DCHS2: variants seen among roughly 807,000 people sequenced by gnomAD.
The protein encoded by DCHS2 is dachsous cadherin-related 2.
A neutral mutation model predicts 182.4 loss-of-function variants in DCHS2; 142 were observed. That is an observed-to-expected ratio of 0.78 (90% confidence interval 0.68 to 0.89). The LOEUF (loss-of-function observed/expected upper bound fraction) is 0.89, where lower values mean the gene tolerates loss of function less well. DCHS2 is among the 40% of genes least tolerant of loss of function. The pLI is 0.00. For missense variants in DCHS2, 4,319 were observed against 4,198.6 expected (o/e 1.03, Z -0.79); for synonymous variants, 1,740 against 1,663.3 (o/e 1.05, Z -1.12).
chr4:154,369,478 C>T (rs1346045533), intron 2 of DCHS2, among the ~76,000 whole-genome samples: 1 of 152,190 alleles, frequency 6.6e-6, no homozygotes, highest in East Asian at 1.9e-4. Flanking sequence ...TTAGAGTGTG[C>T]ACTTCCCAAT....
At chr4:154,238,123 T>TACAGAAAGAGAG (rs1731622732) in intron 19 of DCHS2, among the ~76,000 whole-genome samples, 1 of 109,272 alleles carries the variant, frequency 9.2e-6, no homozygotes, top group Non-Finnish European at 1.7e-5. Flanking sequence ...CATCTGAGAC[T>TACAGAAAGAGAG]ACAGAAAGAG....
intron 13 of DCHS2, among the ~76,000 whole-genome samples, chr4:154,280,601 C>A (rs201361609): frequency 2.0e-5 from 3 of 151,948 alleles, no homozygotes; most frequent in East Asian, 1.9e-4. Flanking sequence ...TACACCACAT[C>A]AACAGAACAA....
chr4:154,318,077 T>A (rs1315790264), intron 9 of DCHS2, among the ~76,000 whole-genome samples: 1 of 152,116 alleles, frequency 6.6e-6, no homozygotes, highest in Non-Finnish European at 1.5e-5. Context: ...GGACTCACAA[T>A]GGGGGCAAAG....
intron 1 of DCHS2, among the ~76,000 whole-genome samples, chr4:154,443,789 C>T (rs1579088244): frequency 6.6e-6 from 1 of 152,322 alleles, no homozygotes; most frequent in Non-Finnish European, 1.5e-5. Flanking sequence ...AGCTACACCA[C>T]CCTCCCCATT....
At position 154,322,382 on chromosome 4, in the gene DCHS2, G is replaced by A. The variant is rs767363400; in HGVS notation, c.4125C>T (p.Ala1375=). The A allele has an allele frequency of 3.7e-6, 6 of 1,613,778 alleles. No individual in the cohort carries two copies. In the South Asian group the frequency reaches 6.6e-5, roughly 18 times the overall value. The change falls in exon 8 of 20, where the codon GCC becomes GCT. Residue 1375 remains alanine, a synonymous_variant. Transcript: ENST00000357232. ...GAAGAGGAGGCACTCCCTGGTCAGT[G>A]GCAATGACACTCATTCTGTAGGAAG... is the stretch of plus-strand genomic sequence containing the variant. ...YRPSYRMSVI[A]TDQGVPPLQG...
intron 3 of DCHS2, among the ~76,000 whole-genome samples, chr4:154,338,569 C>G (rs140385032): frequency 2.6e-5 from 4 of 152,232 alleles, no homozygotes; most frequent in Non-Finnish European, 5.9e-5. Flanking sequence ...TGATACTTAT[C>G]AAAATTTTAA....
chr4:154,350,499 A>T (rs990638270), intron 3 of DCHS2, among the ~76,000 whole-genome samples: 7 of 152,162 alleles, frequency 4.6e-5, no homozygotes, highest in Non-Finnish European at 8.8e-5. Flanking sequence ...TCATGTGCAC[A>T]CACTGGTCCC....
At chr4:154,258,007 G>T (rs1390344762) in intron 15 of DCHS2, among the ~76,000 whole-genome samples, 2 of 152,204 alleles carry the variant, frequency 1.3e-5, no homozygotes, top group South Asian at 4.1e-4. Context: ...CAGGGCCCCA[G>T]TGTGGGGATC....
intron 2 of DCHS2, among the ~76,000 whole-genome samples, chr4:154,371,435 C>T (rs993831231): frequency 2.0e-5 from 3 of 151,582 alleles, no homozygotes; most frequent in African/African-American, 2.4e-5. Flanking sequence ...TAATCAGGGC[C>T]GAAAGTTAAA....
At chr4:154,464,175 G>A (rs1179239338) in intron 1 of DCHS2, among the ~76,000 whole-genome samples, 2 of 152,126 alleles carry the variant, frequency 1.3e-5, no homozygotes, top group South Asian at 4.1e-4. Flanking sequence ...AGATAGAGGG[G>A]ACACTGAATT....
Position 154,315,861 on chromosome 4 carries a change from T to C in DCHS2, c.5147A>G (p.Asp1716Gly). 6.2e-7 allele frequency: 1 copy of C among 1,614,044 alleles called. No individual in the cohort carries two copies. Among genetic ancestry groups the C allele is most frequent in the Non-Finnish European group, 8.5e-7 (1 of 1,179,984 alleles). Residue 1716 changes from aspartate to glycine, a missense_variant, in exon 10 of 20, where the codon GAT becomes GGT. Asp to Gly is a moderately conservative substitution (Grantham distance 94). Coordinates refer to ENST00000357232, the MANE Select transcript of DCHS2 (RefSeq NM_001358235.2). ...SSQTLTVTVL[D>G]VNDEAPVFKQ... ...AAATACTGGAGCTTCATCATTTACA[T>C]CAAGAACAGTAACTGTCAAAGTCTG... is the stretch of plus-strand genomic sequence containing the variant.
At chr4:154,351,340 G>T (rs1022761435) in intron 3 of DCHS2, among the ~76,000 whole-genome samples, 1 of 152,104 alleles carries the variant, frequency 6.6e-6, no homozygotes, top group South Asian at 2.1e-4. Flanking sequence ...AGTCTAGAAA[G>T]CATATTCAAA....
chr4:154,463,693 TC>T (rs1735115233), intron 1 of DCHS2, among the ~76,000 whole-genome samples: 4 of 3,356 alleles, frequency 1.2e-3, no homozygotes, highest in Non-Finnish European at 0.011. Context: ...TTCTCTCTTT[TC>T]TCTCTCTCTC....
In DCHS2 at chr4:154,332,925, C is replaced by A; in HGVS notation, c.3283G>T (p.Glu1095Ter). Reference sequence around the variant, plus strand: ...ATTTGTGTCATCGGTGAGAGAGACTCACTGACTTCCACTTGATAGACCAAA... The same window carrying A: ...ATTTGTGTCATCGGTGAGAGAGACTAACTGACTTCCACTTGATAGACCAAA... ...EHLVYQVEVS[E>*]SLSPMTQMLQ... The change falls in exon 5 of 20, where the codon GAG becomes TAG. Residue 1095 changes from glutamate (E) to a stop codon, truncating the protein, a stop_gained. Transcript: ENST00000357232. LOFTEE classifies it high-confidence loss of function. 6.2e-7 allele frequency: 1 copy of A among 1,614,208 alleles called. No individual in the cohort carries two copies.
chr4:154,428,669 G>A (rs1422387100), intron 1 of DCHS2, among the ~76,000 whole-genome samples: 2 of 152,158 alleles, frequency 1.3e-5, no homozygotes, highest in African/African-American at 4.8e-5. Context: ...GGAAGGGCAA[G>A]GCGGGTGGAT....
chr4:154,425,270 C>T (rs932181582), intron 1 of DCHS2, among the ~76,000 whole-genome samples: 2 of 152,176 alleles, frequency 1.3e-5, no homozygotes, highest in African/African-American at 2.4e-5. Context: ...ACCATGCCTG[C>T]GTTGTGCAAA....
chr4:154,401,952 C>T lies in DCHS2; in HGVS notation c.2053-24508G>A, dbSNP rs551742367. Among the ~76,000 whole-genome samples, 10 of 152,320 alleles carry T rather than the reference C, an allele frequency of 6.6e-5. No homozygotes were observed. In the South Asian group the frequency reaches 2.1e-3, roughly 32 times the overall value. ...GAGGTTGCAGTTAGCTGAGATCATG[C>T]AACTTCACTCCAGCCTGGGCAACTG... On this transcript the variant is annotated intron_variant, in intron 1 of 19. Coordinates refer to ENST00000357232, the MANE Select transcript of DCHS2 (RefSeq NM_001358235.2).
intron 1 of DCHS2, among the ~76,000 whole-genome samples, chr4:154,449,343 G>T (rs1414120124): frequency 6.6e-6 from 1 of 151,008 alleles, no homozygotes; most frequent in Non-Finnish European, 1.5e-5. Context: ...AGGTAATAAA[G>T]AAGTAAAAAA....
Position 154,389,187 on chromosome 4 carries a change from A to G in DCHS2, c.2053-11743T>C, listed in dbSNP as rs532860933. 4.1e-4 allele frequency among the ~76,000 whole-genome samples: 63 copies of G among 152,252 alleles called. No individual in the cohort carries two copies. The East Asian group carries it at 0.012, about 28-fold the overall frequency. ...ATATTTGAATTTCATGTCACTTTCA[A>G]TTGTCATGAAATATTATTTCTCTCT... is the stretch of plus-strand genomic sequence containing the variant. On this transcript the variant is annotated intron_variant, in intron 1 of 19. Coordinates refer to ENST00000357232, the MANE Select transcript of DCHS2 (RefSeq NM_001358235.2).
Sources: gnomAD v4.1 joint callset for allele counts (sites outside exome capture counted in the v4.1 genomes callset) on GRCh38, gnomAD v4.1.1 for gene constraint, MANE v1.5 for transcripts, NCBI Gene and HGNC (gene_info 2026-07-23, HGNC 2026-07-21) for gene names.